Variants in CSMD1 observed in about 807,000 individuals in gnomAD.
CSMD1 encodes the protein CUB and sushi domain-containing protein 1.
In CSMD1, 213 loss-of-function variants were observed where a neutral mutation model predicts 417.5. The ratio of observed to expected loss-of-function variants is 0.51; its 90% CI spans 0.46 to 0.57. The LOEUF is 0.57. Among genes scored for constraint, CSMD1 ranks in the 20% least tolerant of loss-of-function variants. The pLI, the probability that CSMD1 is intolerant of heterozygous loss-of-function variation, is 0.00. For missense variants in CSMD1, 6,923 were observed against 4,529.7 expected (o/e 1.53, Z -15.17); for synonymous variants, 2,862 against 1,736.8 (o/e 1.65, Z -16.11).
chr8:3,427,761 A>G (rs1032233224), intron 12 of CSMD1, among the ~76,000 whole-genome samples: 2 of 152,354 alleles, frequency 1.3e-5, no homozygotes, highest in Non-Finnish European at 1.5e-5. Flanking sequence ...ATAATAACCT[A>G]TCTTAATGAA....
At chr8:4,151,367 A>G (rs1796562243) in intron 3 of CSMD1, among the ~76,000 whole-genome samples, 1 of 152,188 alleles carries the variant, frequency 6.6e-6, no homozygotes, top group Non-Finnish European at 1.5e-5. Flanking sequence ...ATTAACTACA[A>G]TTCAGTTTCT....
intron 1 of CSMD1, among the ~76,000 whole-genome samples, chr8:4,713,374 TTTTTGTTTTGTTTTGTTTTG>T (rs56295432): frequency 2.0e-5 from 3 of 148,014 alleles, no homozygotes; most frequent in African/African-American, 5.0e-5. Flanking sequence ...CAGCTTTGTG[TTTTTGTTTTGTTTTGTTTTG>T]TTTTGTTTTG....
At chr8:4,836,598 T>C (rs1328786456) in intron 1 of CSMD1, among the ~76,000 whole-genome samples, 1 of 152,238 alleles carries the variant, frequency 6.6e-6, no homozygotes, top group Non-Finnish European at 1.5e-5. Context: ...TAGTATGCAG[T>C]ACAAGCTGTA....
intron 6 of CSMD1, among the ~76,000 whole-genome samples, chr8:3,709,916 G>C (rs55684515): frequency 5.9e-5 from 3 of 50,766 alleles, no homozygotes; most frequent in African/African-American, 1.7e-4. Context: ...ATATACAGGA[G>C]ACCCCTGAAG....
At chr8:3,841,116 C>G (rs1031133184) in intron 5 of CSMD1, among the ~76,000 whole-genome samples, 7 of 152,042 alleles carry the variant, frequency 4.6e-5, no homozygotes, top group Admixed American at 3.9e-4. Flanking sequence ...TTCCAGGAAG[C>G]CTGGCACTAT....
intron 17 of CSMD1, among the ~76,000 whole-genome samples, chr8:3,393,082 A>C (rs937780438): frequency 1.3e-5 from 2 of 152,176 alleles, no homozygotes; most frequent in African/African-American, 4.8e-5. Context: ...ACTGATACAT[A>C]AATAAGAAGT....
intron 5 of CSMD1, among the ~76,000 whole-genome samples, chr8:3,820,352 T>C (rs552633761): frequency 6.6e-6 from 1 of 152,134 alleles, no homozygotes; most frequent in Non-Finnish European, 1.5e-5. Flanking sequence ...GTGTTTGAAC[T>C]GGGATATATG....
At position 3,162,189 on chromosome 8, in the gene CSMD1, G is replaced by A. The variant is rs761086058; in HGVS notation, c.5814C>T (p.Ser1938=). The stretch of plus-strand genomic sequence containing the variant: ...GGGTGTACCCGGGCTCGCACTGGAA[G>A]GAGAGCACGTCGTTCACCATGTACC... ...GDRYMVNDVL[S]FQCEPGYTLQ... Residue 1938 remains serine (S), a synonymous_variant, in exon 38 of 70, where the codon TCC becomes TCT. Transcript: ENST00000635120. 6 of 1,609,636 alleles carry A rather than the reference G, an allele frequency of 3.7e-6. No individual in the cohort carries two copies. Among genetic ancestry groups the A allele is most frequent in the Non-Finnish European group, 5.1e-6 (6 of 1,177,892 alleles).
intron 10 of CSMD1, among the ~76,000 whole-genome samples, chr8:3,566,634 T>C (rs1799723331): frequency 6.6e-6 from 1 of 152,052 alleles, no homozygotes; most frequent in Admixed American, 6.6e-5. Flanking sequence ...AACAGACACT[T>C]TTCAAAAGAA....
chr8:4,294,737 C>A (rs1001814402), intron 3 of CSMD1, among the ~76,000 whole-genome samples: 16 of 151,916 alleles, frequency 1.1e-4, no homozygotes, highest in African/African-American at 2.9e-4. Context: ...TTTTTTCTTA[C>A]TGTAATTAGA....
chr8:4,841,911 CAAAAAAAAAAA>C (rs397757527), intron 1 of CSMD1, among the ~76,000 whole-genome samples: 17 of 34,830 alleles, frequency 4.9e-4, no homozygotes, highest in African/African-American at 2.5e-3. Flanking sequence ...AACTCCGTCT[CAAAAAAAAAAA>C]AAAAAAAAAA....
At chr8:3,684,194 A>C (rs1178266700) in intron 7 of CSMD1, among the ~76,000 whole-genome samples, 2 of 51,148 alleles carry the variant, frequency 3.9e-5, no homozygotes, top group Non-Finnish European at 3.4e-5. Context: ...TGTAATATAT[A>C]TAACATGTAA....
chr8:3,809,103 C>T (rs78627964), intron 5 of CSMD1, among the ~76,000 whole-genome samples: 3 of 152,132 alleles, frequency 2.0e-5, no homozygotes, highest in Admixed American at 6.6e-5. Context: ...AACCTGCCAC[C>T]GGGCACATGC....
At chr8:3,110,079 G>T in intron 43 of CSMD1, 79 bp downstream of exon 43, 2 of 1,167,290 alleles carry the variant, frequency 1.7e-6, no homozygotes, top group Non-Finnish European at 2.4e-6. Flanking sequence ...TATGTGCCTT[G>T]TATATAAGTG....
At chr8:4,210,059 G>A (rs1020630348) in intron 3 of CSMD1, among the ~76,000 whole-genome samples, 3 of 152,140 alleles carry the variant, frequency 2.0e-5, no homozygotes, top group African/African-American at 7.2e-5. Flanking sequence ...TGCTTCCTGA[G>A]TCAAGTCCCA....
chr8:3,802,888 G>C (rs1433159352), intron 5 of CSMD1, among the ~76,000 whole-genome samples: 2 of 152,102 alleles, frequency 1.3e-5, no homozygotes, highest in Non-Finnish European at 2.9e-5. Context: ...AAAAAGAATA[G>C]TTTGATTTGA....
At chr8:4,910,969 G>C (rs1388458264) in intron 1 of CSMD1, among the ~76,000 whole-genome samples, 1 of 152,112 alleles carries the variant, frequency 6.6e-6, no homozygotes, top group Admixed American at 6.5e-5. Context: ...ATAAGCCTCA[G>C]GAGACCTGAT....
At chr8:4,596,834 G>A (rs979905768) in intron 2 of CSMD1, among the ~76,000 whole-genome samples, 11 of 152,148 alleles carry the variant, frequency 7.2e-5, no homozygotes, top group African/African-American at 2.4e-4. Flanking sequence ...AGGGACCCAG[G>A]GGGAGGTAAT....
chr8:4,261,794 G>A (rs1463924674), intron 3 of CSMD1, among the ~76,000 whole-genome samples: 2 of 151,930 alleles, frequency 1.3e-5, no homozygotes, highest in East Asian at 1.9e-4. Context: ...TTTGATAATG[G>A]TAATCATTTC....
Sources: gnomAD v4.1 joint callset for allele counts (sites outside exome capture counted in the v4.1 genomes callset) on GRCh38, gnomAD v4.1.1 for gene constraint, MANE v1.5 for transcripts, NCBI Gene and HGNC (gene_info 2026-07-23, HGNC 2026-07-21) for gene names.